ZDHHC6: variants seen among roughly 807,000 people sequenced by gnomAD.
ZDHHC6 encodes zDHHC palmitoyltransferase 6, also known as palmitoyltransferase ZDHHC6.
ZDHHC6 carries 32 observed loss-of-function variants against 57.8 expected under a neutral mutation model. The ratio of observed to expected loss-of-function variants is 0.55; its 90% CI spans 0.42 to 0.74. ZDHHC6 has a LOEUF of 0.74. ZDHHC6 is among the 30% of genes least tolerant of loss of function. The pLI, the probability that ZDHHC6 is intolerant of heterozygous loss-of-function variation, is 0.00. For synonymous variants in ZDHHC6, 128 were observed against 158.0 expected (o/e 0.81, Z 1.42); for missense variants, 433 against 500.7 (o/e 0.86, Z 1.29).
downstream of ZDHHC6, chr10:112,427,941 A>T (rs1054473829): frequency 2.0e-5 from 3 of 153,392 alleles, no homozygotes; most frequent in Admixed American, 2.0e-4. Flanking sequence ...TGTGTACTGA[A>T]GGGAAAAGTT....
chr10:112,441,611 C>T (rs1415324448), intron 4 of ZDHHC6, among the ~76,000 whole-genome samples: 1 of 152,122 alleles, frequency 6.6e-6, no homozygotes, highest in Non-Finnish European at 1.5e-5. Context: ...ATGGGCTGTC[C>T]CCTCCCCAAA....
upstream of ZDHHC6, chr10:112,447,020 C>CGGGG: frequency 3.6e-6 from 1 of 279,520 alleles, no homozygotes; most frequent in Non-Finnish European, 7.1e-6. Flanking sequence ...CGTGTGGATC[C>CGGGG]GGAGCCGATT....
chr10:112,425,950 C>T (rs1473054275), downstream of ZDHHC6, among the ~76,000 whole-genome samples: 1 of 152,208 alleles, frequency 6.6e-6, no homozygotes, highest in African/African-American at 2.4e-5. Context: ...GTTTTATACA[C>T]ACTGTGCTTA....
downstream of ZDHHC6, among the ~76,000 whole-genome samples, chr10:112,429,343 G>A (rs1354183537): frequency 1.3e-5 from 2 of 152,088 alleles, no homozygotes; most frequent in South Asian, 4.1e-4. Flanking sequence ...GCCTGTTTTT[G>A]TTCTTGCTGC....
chr10:112,431,197 A>G (rs544751254), intron 10 of ZDHHC6, among the ~76,000 whole-genome samples: 37 of 152,276 alleles, frequency 2.4e-4, no homozygotes, highest in East Asian at 1.2e-3. Context: ...GTGTTTACTT[A>G]TATGTGTATG....
intron 4 of ZDHHC6, among the ~76,000 whole-genome samples, chr10:112,441,884 GTC>G (rs1430007668): frequency 7.2e-5 from 11 of 152,186 alleles, no homozygotes; most frequent in African/African-American, 2.7e-4. Context: ...CACTAGTGTT[GTC>G]TTTTTTTCTT....
chr10:112,447,322 G>C (rs1846879220), upstream of ZDHHC6: 3 of 1,579,662 alleles, frequency 1.9e-6, no homozygotes, highest in Middle Eastern at 2.0e-4. Flanking sequence ...TGCCCCTCGA[G>C]GCCCTTTCCC....
At chr10:112,429,771 T>C (rs1451553078), downstream of ZDHHC6, among the ~76,000 whole-genome samples, 2 of 152,212 alleles carry the variant, frequency 1.3e-5, no homozygotes, top group Non-Finnish European at 2.9e-5. Flanking sequence ...CACGGGATCC[T>C]TGGGGTGTTG....
intron 7 of ZDHHC6, 30 bp downstream of exon 7, chr10:112,434,267 A>G (rs1249291325): frequency 3.3e-6 from 5 of 1,513,308 alleles, no homozygotes; most frequent in South Asian, 1.3e-5. Flanking sequence ...CGAGGCAAAA[A>G]GGAAGGGCTA....
At chr10:112,437,801 T>A (rs1845683991) in intron 6 of ZDHHC6, among the ~76,000 whole-genome samples, 1 of 152,222 alleles carries the variant, frequency 6.6e-6, no homozygotes, top group East Asian at 1.9e-4. Context: ...CCTGCAGGTA[T>A]TTGGGTTTCA....
chr10:112,426,325 T>G (rs757813448), downstream of ZDHHC6: 9 of 1,614,090 alleles, frequency 5.6e-6, no homozygotes, highest in Non-Finnish European at 7.6e-6. Context: ...AAGCTTGGGG[T>G]GAAGGGCTCC....
At chr10:112,426,000 C>T (rs1044052983), downstream of ZDHHC6, among the ~76,000 whole-genome samples, 3 of 152,156 alleles carry the variant, frequency 2.0e-5, no homozygotes, top group African/African-American at 7.2e-5. Context: ...TTGACATGGA[C>T]AAGCCAGAGG....
At chr10:112,432,600 A>G (rs963567300) in intron 8 of ZDHHC6, 79 bp from the exon 9 acceptor site, 414 of 1,525,268 alleles carry the variant, frequency 2.7e-4, no homozygotes, top group Non-Finnish European at 3.5e-4. Context: ...CAAATTTTAA[A>G]GCAAGATCCA....
chr10:112,431,462 C>T (rs183159569), intron 10 of ZDHHC6, among the ~76,000 whole-genome samples: 44 of 152,130 alleles, frequency 2.9e-4, no homozygotes, highest in African/African-American at 1.0e-3. Context: ...TACAGGCACA[C>T]ACCACCATGC....
intron 10 of ZDHHC6, 118 bp downstream of exon 10, chr10:112,432,122 C>A: frequency 1.1e-6 from 1 of 932,746 alleles, no homozygotes; most frequent in Non-Finnish European, 1.6e-6. Context: ...AGTGATATAC[C>A]CTTCTATGCA....
At chr10:112,425,964 G>A (rs1383277776), downstream of ZDHHC6, among the ~76,000 whole-genome samples, 1 of 152,176 alleles carries the variant, frequency 6.6e-6, no homozygotes, top group African/African-American at 2.4e-5. Flanking sequence ...GTGCTTAAAT[G>A]TAGCTTTTAG....
At chr10:112,427,270 T>G, downstream of ZDHHC6, 1 of 1,613,892 alleles carries the variant, frequency 6.2e-7, no homozygotes. Context: ...AATGGGCTCT[T>G]GACACCAACA....
rs1010145697 is a variant in ZDHHC6 at position 112,434,370 on chromosome 10, G to A, written c.830C>T (p.Thr277Met). ...SRWRNFKQVFTWSGVPEGDGL... is the reference protein window; with the variant it reads ...SRWRNFKQVFMWSGVPEGDGL... ...ATCTCCTTCAGGGACCCCTGACCAC[G>A]TAAATACCTGTTTAAAGTTCCTCCA... The change falls in exon 7 of 11, where the codon ACG becomes ATG. Residue 277 changes from threonine (T) to methionine (M), a missense_variant. Transcript: ENST00000369405. The A allele has an allele frequency of 8.7e-6, 14 of 1,613,696 alleles. No homozygotes were observed. Among genetic ancestry groups the A allele is most frequent in the African/African-American group, 5.3e-5 (4 of 74,876 alleles).
intron 2 of ZDHHC6, among the ~76,000 whole-genome samples, chr10:112,444,571 T>C (rs1846456940): frequency 6.6e-6 from 1 of 152,288 alleles, no homozygotes; most frequent in Non-Finnish European, 1.5e-5. Flanking sequence ...GGCACTTTAT[T>C]AAAATAAAGA....
Sources: gnomAD v4.1 joint callset for allele counts (sites outside exome capture counted in the v4.1 genomes callset) on GRCh38, gnomAD v4.1.1 for gene constraint, MANE v1.5 for transcripts, NCBI Gene and HGNC (gene_info 2026-07-23, HGNC 2026-07-21) for gene names.